UNC13C: variants seen among roughly 807,000 people sequenced by gnomAD.
The protein encoded by UNC13C is protein unc-13 homolog C.
Under a neutral mutation model 245.4 loss-of-function variants are expected in UNC13C, and 174 were observed. The observed-to-expected ratio is 0.71, with a 90% CI of 0.63 to 0.80. The LOEUF (loss-of-function observed/expected upper bound fraction) is 0.80, where lower values mean the gene tolerates loss of function less well. Ranked by LOEUF, UNC13C falls within the 30% of genes least tolerant of loss-of-function variation. The pLI, the probability that UNC13C is intolerant of heterozygous loss-of-function variation, is 0.00. For synonymous variants in UNC13C, 992 were observed against 895.1 expected, an observed-to-expected ratio of 1.11 and a Z score of -1.93; for missense variants, 2,829 against 2,602.9, an observed-to-expected ratio of 1.09 and a Z score of -1.89.
chr15:54,134,273 T>TG (rs931722895), intron 2 of UNC13C, among the ~76,000 whole-genome samples: 1 of 1,012 alleles, frequency 9.9e-4, no homozygotes, highest in Non-Finnish European at 0.015. Flanking sequence ...ATGAGTTCAG[T>TG]TTTTTTTTTT....
At chr15:54,415,223 G>T (rs369192031) in intron 19 of UNC13C, among the ~76,000 whole-genome samples, 156 bp downstream of exon 19, 4 of 152,098 alleles carry the variant, frequency 2.6e-5, no homozygotes, top group African/African-American at 7.2e-5. Flanking sequence ...AAAAGATAAG[G>T]TCTCAAAGTA....
At chr15:54,048,920 C>T in intron 2 of UNC13C, 1 of 273,678 alleles carries the variant, frequency 3.7e-6, no homozygotes, top group South Asian at 4.4e-5. Flanking sequence ...AATAATACCA[C>T]ACTGTAAATT....
chr15:53,869,403 T>A, the UNC13C span, among the ~76,000 whole-genome samples: 3 of 138,644 alleles, frequency 2.2e-5, no homozygotes, highest in African/African-American at 8.0e-5. Flanking sequence ...ATCATTAATA[T>A]TTTACTCCAC....
chr15:54,154,989 T>A (rs867434568), intron 4 of UNC13C, among the ~76,000 whole-genome samples: 3 of 152,204 alleles, frequency 2.0e-5, no homozygotes, highest in African/African-American at 7.2e-5. Flanking sequence ...TTAGAAATAT[T>A]GCAAAAGAAA....
chr15:54,181,478 GTT>G lies in UNC13C; in HGVS notation c.3071+37799_3071+37800del, dbSNP rs879681032. Among the ~76,000 whole-genome samples, 506 of 148,810 alleles carry G rather than the reference GTT, an allele frequency of 3.4e-3. 5 individuals carry two copies. Among genetic ancestry groups the G allele is most frequent in the African/African-American group, 0.012 (489 of 39,136 alleles). ...TTGTTTGTTTGTTTTGTTTTGTTTT[GTT>G]TTTTGTTTGTTTTTGTTTTTTCTTC... On this transcript the variant is annotated intron_variant, in intron 4 of 32. Coordinates refer to ENST00000260323, the MANE Select transcript of UNC13C (RefSeq NM_001080534.3).
At chr15:53,998,753 T>G (rs1054833647) in intron 1 of UNC13C, among the ~76,000 whole-genome samples, 2 of 152,110 alleles carry the variant, frequency 1.3e-5, no homozygotes, top group South Asian at 2.1e-4. Context: ...GATTTTGATT[T>G]TATTAGATTG....
the UNC13C span, among the ~76,000 whole-genome samples, chr15:53,937,490 C>A: frequency 2.6e-5 from 4 of 152,152 alleles, no homozygotes; most frequent in African/African-American, 7.2e-5. Context: ...AACTTCCCAA[C>A]CTAGCAAGAC....
the UNC13C span, among the ~76,000 whole-genome samples, chr15:53,873,474 A>G: frequency 6.6e-6 from 1 of 152,064 alleles, no homozygotes; most frequent in Non-Finnish European, 1.5e-5. Context: ...TGCCTTGTCA[A>G]ATTGTGAGCT....
At chr15:54,029,857 A>C (rs563420227) in intron 2 of UNC13C, among the ~76,000 whole-genome samples, 2 of 152,292 alleles carry the variant, frequency 1.3e-5, no homozygotes, top group Admixed American at 1.3e-4. Context: ...GCTCAGCTTC[A>C]TCTTTCACTC....
At chr15:53,942,737 CAG>C in the UNC13C span, among the ~76,000 whole-genome samples, 14 of 152,152 alleles carry the variant, frequency 9.2e-5, no homozygotes, top group Non-Finnish European at 1.9e-4. Context: ...GATCTTGGCT[CAG>C]TGCAACTTCC....
intron 13 of UNC13C, among the ~76,000 whole-genome samples, chr15:54,308,984 C>G (rs1428993267): frequency 6.6e-6 from 1 of 151,756 alleles, no homozygotes; most frequent in Non-Finnish European, 1.5e-5. Context: ...GCGGATATTT[C>G]TTGACATACT....
intron 30 of UNC13C, among the ~76,000 whole-genome samples, chr15:54,605,453 T>G (rs1240405049): frequency 2.0e-5 from 3 of 152,184 alleles, no homozygotes; most frequent in Non-Finnish European, 2.9e-5. Context: ...AATACTCTTT[T>G]GTCTTGCTTT....
At chr15:54,288,951 G>T (rs371964575) in intron 10 of UNC13C, among the ~76,000 whole-genome samples, 56 of 152,118 alleles carry the variant, frequency 3.7e-4, no homozygotes, top group African/African-American at 1.3e-3. Context: ...CTTTAATTTG[G>T]TTTTTGCCAC....
At chr15:54,222,454 C>G (rs961319713) in intron 4 of UNC13C, among the ~76,000 whole-genome samples, 3 of 151,952 alleles carry the variant, frequency 2.0e-5, no homozygotes, top group African/African-American at 4.8e-5. Flanking sequence ...CTGAATAGTA[C>G]TTCATTGTGT....
At chr15:54,410,786 A>G (rs1481821707) in intron 18 of UNC13C, among the ~76,000 whole-genome samples, 1 of 151,876 alleles carries the variant, frequency 6.6e-6, no homozygotes, top group East Asian at 1.9e-4. Context: ...GAAGTTAGGT[A>G]GTGTGATATC....
At chr15:54,584,213 C>A (rs1221112536) in intron 30 of UNC13C, among the ~76,000 whole-genome samples, 1 of 152,098 alleles carries the variant, frequency 6.6e-6, no homozygotes, top group Non-Finnish European at 1.5e-5. Flanking sequence ...ATATATAAAT[C>A]GCAACAGAAA....
Position 54,371,705 on chromosome 15 carries a change from GAT to G in UNC13C, c.4714-21331_4714-21330del, listed in dbSNP as rs534762481. Among the ~76,000 whole-genome samples, 1,137 of 122,880 alleles carry G rather than the reference GAT, an allele frequency of 9.3e-3. 5 individuals carry two copies. The highest frequency in any genetic ancestry group is 0.012 in the African/African-American group (362 of 30,898). 80.6% of individuals were successfully genotyped at this position (122,880 alleles called of 152,430 possible). ...TAAAATAAAATACCCCTTAATAATG[GAT>G]ATATATATATACACACACACACACA... On this transcript the variant is annotated intron_variant, in intron 17 of 32. Transcript: ENST00000260323.
chr15:54,012,666 T>C lies in UNC13C; in HGVS notation c.-238T>C, dbSNP rs1010594494. 6.6e-6 allele frequency among the ~76,000 whole-genome samples: 1 copy of C among 152,212 alleles called. No homozygotes were observed. The highest frequency in any genetic ancestry group is 2.4e-5 in the African/African-American group (1 of 41,458). ...TTTTTAGACACTACATGGAGTTATG[T>C]GGAAATGAGAGAGATTCATGAAACC... On this transcript the variant is annotated 5_prime_UTR_variant, in exon 2 of 33. Coordinates refer to ENST00000260323, the MANE Select transcript of UNC13C (RefSeq NM_001080534.3).
At chr15:54,209,156 G>C (rs960911218) in intron 4 of UNC13C, among the ~76,000 whole-genome samples, 1 of 152,118 alleles carries the variant, frequency 6.6e-6, no homozygotes, top group Non-Finnish European at 1.5e-5. Flanking sequence ...GGAGATTTAA[G>C]CACCTGAGGA....
Sources: gnomAD v4.1 joint callset for allele counts (sites outside exome capture counted in the v4.1 genomes callset) on GRCh38, gnomAD v4.1.1 for gene constraint, MANE v1.5 for transcripts, NCBI Gene and HGNC (gene_info 2026-07-23, HGNC 2026-07-21) for gene names.